The following PCDHA11 variants were observed in gnomAD, a reference collection of about 807,000 sequenced individuals.
The protein encoded by PCDHA11 is protocadherin alpha 11, also known as protocadherin alpha-11.
Under a neutral mutation model 70.3 loss-of-function variants are expected in PCDHA11, and 61 were observed. The observed-to-expected ratio is 0.87, with a 90% confidence interval of 0.71 to 1.07. The LOEUF is 1.07. PCDHA11 is among the 50% of genes least tolerant of loss of function. PCDHA11 has a pLI of 0.00. For missense variants in PCDHA11, 1,324 were observed against 1,237.5 expected (o/e 1.07, Z -1.05); for synonymous variants, 633 against 555.1 (o/e 1.14, Z -1.97).
chr5:140,982,649 G>T, intron 3 of PCDHA11, 86 bp downstream of exon 3: 2 of 1,504,320 alleles, frequency 1.3e-6, no homozygotes, highest in South Asian at 1.3e-5. Context: ...AATGTTGATG[G>T]CTCTTTTTCT....
At chr5:140,929,362 G>A (rs781830495) in intron 1 of PCDHA11, 13 of 1,520,234 alleles carry the variant, frequency 8.6e-6, no homozygotes, top group Middle Eastern at 1.8e-4. Flanking sequence ...CCTTTGGCCC[G>A]GAGATGGCTG....
At chr5:141,008,211 G>A (rs1032443788) in intron 3 of PCDHA11, among the ~76,000 whole-genome samples, 6 of 152,168 alleles carry the variant, frequency 3.9e-5, no homozygotes, top group Admixed American at 2.0e-4. Context: ...AACTTGACAT[G>A]AGTTATGTTA....
intron 2 of PCDHA11, 35 bp downstream of exon 2, chr5:140,979,042 C>T (rs782163702): frequency 6.2e-7 from 1 of 1,612,562 alleles, no homozygotes; most frequent in African/African-American, 1.3e-5. Context: ...TCAGAAGTAA[C>T]CTTAACTTGG....
chr5:140,921,345 A>C (rs1411062408), intron 1 of PCDHA11, among the ~76,000 whole-genome samples: 1 of 152,120 alleles, frequency 6.6e-6, no homozygotes, highest in African/African-American at 2.4e-5. Context: ...CACATAATAT[A>C]TTTGCCTATA....
rs1554174004 is a variant in PCDHA11, at chr5:140,882,408, G to C, written c.2391+10914G>C. On this transcript the variant is annotated intron_variant, in intron 1 of 3. Coordinates refer to ENST00000398640, the MANE Select transcript of PCDHA11 (RefSeq NM_018902.5). Reference sequence around the variant, plus strand: ...GCAAAACACGGCACCTTCGTGGGCCGCATCGCTCAGGACCTGGGGCTGGAG... The same window carrying C: ...GCAAAACACGGCACCTTCGTGGGCCCCATCGCTCAGGACCTGGGGCTGGAG... The C allele has an allele frequency of 3.1e-6, 5 of 1,614,138 alleles. No homozygotes were observed. The highest frequency in any genetic ancestry group is 3.3e-5 in the Admixed American group (2 of 60,036).
chr5:140,903,211 C>T (rs1457584095), intron 1 of PCDHA11, among the ~76,000 whole-genome samples: 1 of 152,174 alleles, frequency 6.6e-6, no homozygotes, highest in African/African-American at 2.4e-5. Context: ...TCACCACATT[C>T]ATGCCAACAT....
chr5:141,000,421 A>ATTTTTTTT (rs34755515), intron 3 of PCDHA11, among the ~76,000 whole-genome samples: 2 of 27,968 alleles, frequency 7.2e-5, no homozygotes, highest in Admixed American at 6.5e-4. Context: ...ATATATATAT[A>ATTTTTTTT]TTTTTTTTTT....
In PCDHA11 at chr5:140,952,684, C is replaced by T. The variant is rs1165956619; in HGVS notation, c.2392-26265C>T. On this transcript the variant is annotated intron_variant, in intron 1 of 3. Coordinates refer to ENST00000398640, the MANE Select transcript of PCDHA11 (RefSeq NM_018902.5). The stretch of plus-strand genomic sequence containing the variant: ...AAAGTCACTTTCACATTTTCAGGAT[C>T]TTTATAGCAATATCCCACTCTCAGT... Among the ~76,000 whole-genome samples the T allele has an allele frequency of 2.0e-5, 3 of 152,308 alleles. No individual in the cohort carries two copies. The East Asian group carries it at 5.8e-4, about 29-fold the overall frequency.
chr5:140,899,465 T>C (rs1291429349), intron 1 of PCDHA11, among the ~76,000 whole-genome samples: 2 of 152,232 alleles, frequency 1.3e-5, no homozygotes, highest in African/African-American at 4.8e-5. Context: ...GTTTTTGTCT[T>C]TGGTTCTGTT....
rs782453395 is a variant in PCDHA11 at position 140,875,890 on chromosome 5, G to A, written c.2391+4396G>A. 2.4e-5 allele frequency: 38 copies of A among 1,614,180 alleles called. No homozygotes were observed. The South Asian group carries it at 4.1e-4, about 17-fold the overall frequency. On this transcript the variant is annotated intron_variant, in intron 1 of 3. Coordinates refer to ENST00000398640, the MANE Select transcript of PCDHA11 (RefSeq NM_018902.5). Reference sequence around the variant, plus strand: ...GGTGTTCAGAGAAAGGGAACAAAAGGTACCTGTTTCTGAATCTGCGCCTCT... The same window carrying A: ...GGTGTTCAGAGAAAGGGAACAAAAGATACCTGTTTCTGAATCTGCGCCTCT...
intron 1 of PCDHA11, among the ~76,000 whole-genome samples, chr5:140,965,466 A>C (rs1364686627): frequency 2.6e-5 from 4 of 152,002 alleles, no homozygotes; most frequent in Non-Finnish European, 4.4e-5. Flanking sequence ...GATAAATCCC[A>C]GACTCCCACA....
At chr5:140,877,048 G>A (rs376952553) in intron 1 of PCDHA11, 2 of 1,612,558 alleles carry the variant, frequency 1.2e-6, no homozygotes, top group East Asian at 2.2e-5. Flanking sequence ...GCTAGACCAC[G>A]AGGAGCTGGA....
chr5:140,968,195 T>C, intron 1 of PCDHA11: 1 of 1,614,076 alleles, frequency 6.2e-7, no homozygotes, highest in East Asian at 2.2e-5. Context: ...CTATTCCATC[T>C]ACATACAGGA....
At chr5:140,910,105 T>C (rs1021391817) in intron 1 of PCDHA11, among the ~76,000 whole-genome samples, 11 of 152,202 alleles carry the variant, frequency 7.2e-5, no homozygotes, top group African/African-American at 2.7e-4. Flanking sequence ...CCCCTTCATT[T>C]AAGGGATTCT....
At chr5:140,908,726 G>A (rs1304356386) in intron 1 of PCDHA11, among the ~76,000 whole-genome samples, 3 of 152,188 alleles carry the variant, frequency 2.0e-5, no homozygotes, top group African/African-American at 4.8e-5. Flanking sequence ...TGGGTCATAT[G>A]GCTCGAGAAA....
intron 1 of PCDHA11, among the ~76,000 whole-genome samples, chr5:140,973,235 A>C (rs1390895303): frequency 6.6e-6 from 1 of 152,218 alleles, no homozygotes; most frequent in Non-Finnish European, 1.5e-5. Context: ...GTGACCTGAA[A>C]GAGTTAATTC....
intron 1 of PCDHA11, among the ~76,000 whole-genome samples, chr5:140,897,650 C>T (rs1293190913): frequency 3.3e-5 from 5 of 152,036 alleles, no homozygotes; most frequent in Non-Finnish European, 7.4e-5. Context: ...AATAAACATA[C>T]GTGTGCATGT....
chr5:140,952,565 C>T (rs1255567969), intron 1 of PCDHA11, among the ~76,000 whole-genome samples: 3 of 152,142 alleles, frequency 2.0e-5, no homozygotes, highest in African/African-American at 4.8e-5. Flanking sequence ...ATCAGCACTT[C>T]GGTCCCAATC....
chr5:140,999,854 C>T (rs1459226420), intron 3 of PCDHA11, among the ~76,000 whole-genome samples: 4 of 152,112 alleles, frequency 2.6e-5, no homozygotes, highest in Admixed American at 1.3e-4. Context: ...TTATCTCTTC[C>T]GCTCCAAGAT....
Sources: gnomAD v4.1 joint callset for allele counts (sites outside exome capture counted in the v4.1 genomes callset) on GRCh38, gnomAD v4.1.1 for gene constraint, MANE v1.5 for transcripts, NCBI Gene and HGNC (gene_info 2026-07-23, HGNC 2026-07-21) for gene names.